RANBP2: variants seen among roughly 807,000 people sequenced by gnomAD.
The protein encoded by RANBP2 is E3 SUMO-protein ligase RanBP2.
Under a neutral mutation model 303.6 loss-of-function variants are expected in RANBP2, and 57 were observed. The observed-to-expected ratio is 0.19, with a 90% CI of 0.15 to 0.23. The LOEUF (loss-of-function observed/expected upper bound fraction) is 0.23, where lower values mean the gene tolerates loss of function less well. RANBP2 is among the 10% of genes least tolerant of loss of function. The pLI is 1.00. For missense variants in RANBP2, 3,138 were observed against 3,780.8 expected (o/e 0.83, Z 4.46); for synonymous variants, 1,167 against 1,301.5 (o/e 0.90, Z 2.23).
the RANBP2 span, among the ~76,000 whole-genome samples, chr2:109,628,038 C>T: frequency 6.6e-6 from 1 of 152,108 alleles, no homozygotes; most frequent in Non-Finnish European, 1.5e-5. Flanking sequence ...GGGGCATTGA[C>T]TTCTTGATTT....
the RANBP2 span, among the ~76,000 whole-genome samples, chr2:108,860,388 A>G: frequency 6.6e-6 from 1 of 152,048 alleles, no homozygotes; most frequent in African/African-American, 2.4e-5. Context: ...GAGTGGTGAA[A>G]GTGGACATAC....
chr2:108,789,517 C>T (rs1373542088), downstream of RANBP2, among the ~76,000 whole-genome samples: 1 of 152,248 alleles, frequency 6.6e-6, no homozygotes, highest in East Asian at 1.9e-4. Flanking sequence ...TCACTTGAAC[C>T]CGGGAGGTGG....
At chr2:109,474,612 G>T in the RANBP2 span, among the ~76,000 whole-genome samples, 9 of 152,322 alleles carry the variant, frequency 5.9e-5, no homozygotes, top group East Asian at 1.2e-3. Flanking sequence ...GTTTGGGCAG[G>T]GGGGGAGAAC....
At chr2:109,395,208 C>T in the RANBP2 span, among the ~76,000 whole-genome samples, 1 of 152,232 alleles carries the variant, frequency 6.6e-6, no homozygotes, top group Admixed American at 6.5e-5. Flanking sequence ...AAGCCTGGTC[C>T]CCAGTGGTGG....
At chr2:109,009,680 T>C in the RANBP2 span, among the ~76,000 whole-genome samples, 1 of 149,108 alleles carries the variant, frequency 6.7e-6, no homozygotes, top group Admixed American at 6.8e-5. Flanking sequence ...CATGTACCAC[T>C]ACGCCTGGCT....
chr2:109,443,782 C>T, the RANBP2 span, among the ~76,000 whole-genome samples: 1 of 152,082 alleles, frequency 6.6e-6, no homozygotes, highest in Non-Finnish European at 1.5e-5. Context: ...GAGAAATAAA[C>T]AAATCTACAA....
chr2:109,526,150 T>C, the RANBP2 span, among the ~76,000 whole-genome samples: 1 of 152,156 alleles, frequency 6.6e-6, no homozygotes, highest in African/African-American at 2.4e-5. Context: ...ACAGATGCTA[T>C]TTCCCTCTTT....
chr2:109,734,198 A>G, the RANBP2 span, among the ~76,000 whole-genome samples: 344 of 150,326 alleles, frequency 2.3e-3, 2 homozygotes, highest in Non-Finnish European at 2.1e-3. Context: ...AAAAAATCCA[A>G]ATATAAAGGA....
the RANBP2 span, among the ~76,000 whole-genome samples, chr2:109,687,310 C>T: frequency 3.9e-5 from 6 of 152,148 alleles, no homozygotes; most frequent in Non-Finnish European, 5.9e-5. Flanking sequence ...GCATGCTGAG[C>T]CCTGTATCCT....
At chr2:109,363,752 G>GT in the RANBP2 span, among the ~76,000 whole-genome samples, 1,240 of 152,152 alleles carry the variant, frequency 8.1e-3, 8 homozygotes, top group South Asian at 0.018. Flanking sequence ...AGGTTGGTAG[G>GT]TTTTTTCTGT....
the RANBP2 span, among the ~76,000 whole-genome samples, chr2:109,012,893 G>C: frequency 6.6e-6 from 1 of 152,154 alleles, no homozygotes; most frequent in East Asian, 1.9e-4. Flanking sequence ...CAGCCTGGGC[G>C]ACAGAGCGAG....
chr2:108,753,740 A>G (rs1354143051), intron 14 of RANBP2, 85 bp from the exon 15 acceptor site: 1 of 1,608,174 alleles, frequency 6.2e-7, no homozygotes, highest in South Asian at 1.1e-5. Flanking sequence ...AGCTGGGATT[A>G]CAGGCATGAG....
the RANBP2 span, among the ~76,000 whole-genome samples, chr2:108,973,795 C>T: frequency 6.6e-6 from 1 of 152,194 alleles, no homozygotes; most frequent in African/African-American, 2.4e-5. Context: ...CATCAGAGTT[C>T]TCAAAGGCCC....
the RANBP2 span, among the ~76,000 whole-genome samples, chr2:109,200,494 T>C: frequency 6.6e-6 from 1 of 152,196 alleles, no homozygotes; most frequent in Non-Finnish European, 1.5e-5. Context: ...TGTGTCCTGC[T>C]CAGTCGGCGG....
At chr2:109,615,306 C>G in the RANBP2 span, 1 of 1,605,556 alleles carries the variant, frequency 6.2e-7, no homozygotes, top group East Asian at 2.2e-5. Context: ...CGCGTGGATG[C>G]TCTCTGCCTC....
chr2:109,593,289 T>C, the RANBP2 span, among the ~76,000 whole-genome samples: 5 of 152,242 alleles, frequency 3.3e-5, no homozygotes, highest in Non-Finnish European at 7.3e-5. Flanking sequence ...GCTTTCTTGC[T>C]GGATAGGTAT....
chr2:108,935,028 G>A, the RANBP2 span, among the ~76,000 whole-genome samples: 4 of 152,192 alleles, frequency 2.6e-5, no homozygotes, highest in Admixed American at 6.5e-5. Context: ...GGAGTCAAGC[G>A]TCACCTGTTG....
chr2:109,155,602 G>T, the RANBP2 span, among the ~76,000 whole-genome samples: 1 of 152,122 alleles, frequency 6.6e-6, no homozygotes, highest in African/African-American at 2.4e-5. Flanking sequence ...TGCCTGGCCG[G>T]ATCTTTGTTT....
the RANBP2 span, among the ~76,000 whole-genome samples, chr2:109,248,785 C>A: frequency 6.7e-6 from 1 of 150,034 alleles, no homozygotes; most frequent in African/African-American, 2.5e-5. Context: ...TTCTTTCTGT[C>A]TTTCTCTTTC....
Sources: gnomAD v4.1 joint callset for allele counts (sites outside exome capture counted in the v4.1 genomes callset) on GRCh38, gnomAD v4.1.1 for gene constraint, MANE v1.5 for transcripts, NCBI Gene and HGNC (gene_info 2026-07-23, HGNC 2026-07-21) for gene names.